Variants in NOL4 observed in about 807,000 individuals in gnomAD.
NOL4 encodes the protein cancer/testis antigen 125.
NOL4 carries 17 observed loss-of-function variants against 75.9 expected under a neutral mutation model. That is an observed-to-expected ratio of 0.22 (90% CI 0.15 to 0.34). NOL4 has a LOEUF of 0.34. Among genes scored for constraint, NOL4 ranks in the 10% least tolerant of loss-of-function variants. NOL4 has a pLI of 1.00. For synonymous variants in NOL4, 292 were observed against 289.9 expected (o/e 1.01, Z -0.07); for missense variants, 614 against 793.5 (o/e 0.77, Z 2.72).
chr18:33,861,201 A>C (rs2063106980), intron 10 of NOL4, among the ~76,000 whole-genome samples: 1 of 152,150 alleles, frequency 6.6e-6, no homozygotes, highest in South Asian at 2.1e-4. Context: ...ATAGTTTCAG[A>C]AGGAATGGTA....
rs868057423 is a variant in NOL4 at position 34,105,055 on chromosome 18, G to A, written c.520C>T (p.His174Tyr). ...RMHLNPDGTD[H>Y]KDNGKPPTLV... is the part of the protein sequence containing the mutation. ...TATTTGACACTGCAGCTACCTTTATGATCTGTTCCATCTGGGTTTAAATGC... is the reference window on the plus strand; with the variant it reads ...TATTTGACACTGCAGCTACCTTTATAATCTGTTCCATCTGGGTTTAAATGC... The change falls in exon 3 of 11, where the codon CAT becomes TAT. Residue 174 changes from histidine (H) to tyrosine (Y), a missense_variant. His to Tyr is a moderately conservative substitution (Grantham distance 83, BLOSUM62 2). Coordinates refer to ENST00000261592, the MANE Select transcript of NOL4 (RefSeq NM_003787.5). 1 of 1,596,400 alleles carries A rather than the reference G, an allele frequency of 6.3e-7. No individual in the cohort carries two copies. Among genetic ancestry groups the A allele is most frequent in the African/African-American group, 1.3e-5 (1 of 74,452 alleles).
chr18:33,998,886 C>T (rs754886279), intron 6 of NOL4, among the ~76,000 whole-genome samples: 2 of 152,228 alleles, frequency 1.3e-5, no homozygotes, highest in African/African-American at 4.8e-5. Flanking sequence ...CTTCCACATG[C>T]TTCACTTACA....
chr18:33,985,790 G>A (rs2072394853), intron 6 of NOL4, among the ~76,000 whole-genome samples: 1 of 152,232 alleles, frequency 6.6e-6, no homozygotes, highest in Non-Finnish European at 1.5e-5. Flanking sequence ...GGAAAGGCAT[G>A]AAATACAGAA....
intron 9 of NOL4, among the ~76,000 whole-genome samples, chr18:33,884,022 T>A (rs2064479359): frequency 6.6e-6 from 1 of 152,120 alleles, no homozygotes; most frequent in Non-Finnish European, 1.5e-5. Flanking sequence ...GGGTTGGTTC[T>A]GAGCACTACT....
At chr18:34,199,755 AAC>A (rs1164762087) in intron 1 of NOL4, among the ~76,000 whole-genome samples, 1 of 151,872 alleles carries the variant, frequency 6.6e-6, no homozygotes, top group Non-Finnish European at 1.5e-5. Flanking sequence ...GGTTAGAAAA[AAC>A]AGTGATATCA....
chr18:34,086,878 A>G (rs1334328606), intron 5 of NOL4, among the ~76,000 whole-genome samples: 1 of 152,134 alleles, frequency 6.6e-6, no homozygotes, highest in Admixed American at 6.6e-5. Flanking sequence ...GAACTGTCAT[A>G]TGTGGCAATT....
intron 10 of NOL4, among the ~76,000 whole-genome samples, chr18:33,878,248 C>G (rs984480018): frequency 1.3e-5 from 2 of 152,020 alleles, no homozygotes; most frequent in Admixed American, 1.3e-4. Context: ...GGTAGCTGCC[C>G]CAGAGTGCTC....
At chr18:33,957,892 C>A (rs1484250560) in intron 7 of NOL4, among the ~76,000 whole-genome samples, 1 of 152,062 alleles carries the variant, frequency 6.6e-6, no homozygotes, top group Non-Finnish European at 1.5e-5. Flanking sequence ...TGAAATCAAA[C>A]AACTGACTCT....
At chr18:34,189,118 A>G (rs2146387950) in intron 1 of NOL4, among the ~76,000 whole-genome samples, 1 of 152,312 alleles carries the variant, frequency 6.6e-6, no homozygotes, top group East Asian at 1.9e-4. Flanking sequence ...GAAGCTGGAA[A>G]GTCCAAGATC....
intron 9 of NOL4, among the ~76,000 whole-genome samples, chr18:33,899,679 A>G (rs539033362): frequency 6.6e-6 from 1 of 152,272 alleles, no homozygotes; most frequent in South Asian, 2.1e-4. Context: ...AAGCAGGACA[A>G]GTTGCTCTGG....
intron 1 of NOL4, among the ~76,000 whole-genome samples, chr18:34,199,306 T>TA: frequency 6.6e-6 from 1 of 151,894 alleles, no homozygotes; most frequent in South Asian, 2.1e-4. Context: ...GGACAGCTGT[T>TA]AAAGTGCTAG....
At chr18:33,873,299 A>G (rs1056204164) in intron 10 of NOL4, among the ~76,000 whole-genome samples, 6 of 151,960 alleles carry the variant, frequency 3.9e-5, no homozygotes, top group Admixed American at 2.6e-4. Context: ...GCAGGATGAC[A>G]ATGGTTCCCT....
At chr18:34,222,846 C>G in intron 1 of NOL4, 144 bp downstream of exon 1, 1 of 1,063,320 alleles carries the variant, frequency 9.4e-7, no homozygotes, top group Non-Finnish European at 1.3e-6. Context: ...CGAGTGGGGA[C>G]GACTTGGGGA....
chr18:34,155,974 A>G (rs374683770), intron 1 of NOL4, among the ~76,000 whole-genome samples: 3 of 152,260 alleles, frequency 2.0e-5, no homozygotes, highest in East Asian at 3.9e-4. Context: ...GGAACAGAAA[A>G]TGCTTTCCTA....
At chr18:34,008,410 T>TATCC (rs1555690739) in intron 6 of NOL4, among the ~76,000 whole-genome samples, 2 of 150,320 alleles carry the variant, frequency 1.3e-5, no homozygotes, top group African/African-American at 4.9e-5. Context: ...TCTATCTATC[T>TATCC]ATCCTATGGG....
rs1360784941 is a variant in NOL4 at position 34,215,572 on chromosome 18, TTG to T, written c.264+7416_264+7417del. Among the ~76,000 whole-genome samples the T allele has an allele frequency of 2.0e-5, 3 of 152,094 alleles. No homozygotes were observed. The East Asian group carries it at 5.8e-4, about 29-fold the overall frequency. Reference sequence around the variant, plus strand: ...TTTCACCTTGTACAGGTAAGTAAAGTTGTGCTGCTATCCATGGAGAGAGGGAA... The same window carrying T: ...TTTCACCTTGTACAGGTAAGTAAAGTTGCTGCTATCCATGGAGAGAGGGAA... On this transcript the variant is annotated intron_variant, in intron 1 of 10. Coordinates refer to ENST00000261592, the MANE Select transcript of NOL4 (RefSeq NM_003787.5).
chr18:33,897,871 TC>T (rs2065506927), intron 9 of NOL4, among the ~76,000 whole-genome samples: 1 of 151,972 alleles, frequency 6.6e-6, no homozygotes, highest in South Asian at 2.1e-4. Flanking sequence ...TTGAAACCAT[TC>T]CATTGTTTAT....
At chr18:34,026,369 C>G (rs570080544) in intron 5 of NOL4, among the ~76,000 whole-genome samples, 1 of 152,284 alleles carries the variant, frequency 6.6e-6, no homozygotes, top group South Asian at 2.1e-4. Context: ...TGCTAAGAAG[C>G]CTCTTTTGTG....
intron 5 of NOL4, among the ~76,000 whole-genome samples, chr18:34,032,244 T>A (rs987998938): frequency 5.3e-5 from 8 of 152,134 alleles, no homozygotes; most frequent in Non-Finnish European, 8.8e-5. Context: ...CCACGGAAGG[T>A]AGCACCACCC....
Sources: gnomAD v4.1 joint callset for allele counts (sites outside exome capture counted in the v4.1 genomes callset) on GRCh38, gnomAD v4.1.1 for gene constraint, MANE v1.5 for transcripts, NCBI Gene and HGNC (gene_info 2026-07-23, HGNC 2026-07-21) for gene names.